The following CNIH3 variants were observed in gnomAD, a reference collection of about 807,000 sequenced individuals.
CNIH3 encodes cornichon family AMPA receptor auxiliary protein 3.
CNIH3 carries 14 observed loss-of-function variants against 24.1 expected under a neutral mutation model. That is an observed-to-expected ratio of 0.58 (90% CI 0.38 to 0.91). The LOEUF is 0.91. Among genes scored for constraint, CNIH3 ranks in the 40% least tolerant of loss-of-function variants. The probability of loss-of-function intolerance (pLI) is 0.00; values close to 1 mark genes in which losing one functional copy is unlikely to be tolerated. For missense variants in CNIH3, 178 were observed against 196.8 expected (o/e 0.90, Z 0.57); for synonymous variants, 68 against 73.8 (o/e 0.92, Z 0.40).
chr1:224,668,056 A>G (rs1338597524), intron 1 of CNIH3, among the ~76,000 whole-genome samples: 1 of 152,132 alleles, frequency 6.6e-6, no homozygotes, highest in African/African-American at 2.4e-5. Flanking sequence ...GAACAGAAAG[A>G]TAGACATGAA....
At chr1:224,577,533 G>A (rs995393651) in intron 4 of CNIH3, among the ~76,000 whole-genome samples, 1 of 152,004 alleles carries the variant, frequency 6.6e-6, no homozygotes, top group Non-Finnish European at 1.5e-5. Flanking sequence ...CATTTGAATG[G>A]CCATGATTTA....
At chr1:224,599,611 A>G (rs942298034) in intron 3 of CNIH3, among the ~76,000 whole-genome samples, 3 of 152,018 alleles carry the variant, frequency 2.0e-5, no homozygotes, top group Admixed American at 6.6e-5. Context: ...ATAATTTATT[A>G]GATATTCTAA....
intron 3 of CNIH3, among the ~76,000 whole-genome samples, chr1:224,701,288 C>A (rs1341711448): frequency 6.6e-6 from 1 of 151,556 alleles, no homozygotes; most frequent in Admixed American, 6.6e-5. Flanking sequence ...TAACAAAATA[C>A]CCTAGACTCA....
At chr1:224,737,915 G>A (rs1231773506) in intron 5 of CNIH3, among the ~76,000 whole-genome samples, 1 of 152,202 alleles carries the variant, frequency 6.6e-6, no homozygotes, top group Non-Finnish European at 1.5e-5. Flanking sequence ...ACTAATACTA[G>A]CTAGTGAGCC....
chr1:224,596,483 T>C (rs926997871), intron 3 of CNIH3, among the ~76,000 whole-genome samples: 8 of 152,248 alleles, frequency 5.3e-5, no homozygotes, highest in African/African-American at 1.9e-4. Context: ...GATATGAATA[T>C]TGTTTTCATG....
intron 1 of CNIH3, among the ~76,000 whole-genome samples, chr1:224,479,745 A>G (rs1258670575): frequency 6.6e-6 from 1 of 152,194 alleles, no homozygotes; most frequent in Admixed American, 6.5e-5. Context: ...TGCAGGTCAC[A>G]CTGATGCAAG....
intron 3 of CNIH3, among the ~76,000 whole-genome samples, chr1:224,556,455 T>G (rs1169321190): frequency 6.6e-6 from 1 of 152,170 alleles, no homozygotes; most frequent in African/African-American, 2.4e-5. Flanking sequence ...AAACCTTACT[T>G]TCTTCCATAG....
chr1:224,557,914 A>G (rs571319645), intron 3 of CNIH3, among the ~76,000 whole-genome samples: 3 of 152,370 alleles, frequency 2.0e-5, no homozygotes, highest in African/African-American at 7.2e-5. Context: ...AGAAAGTTCT[A>G]TATCATTATC....
chr1:224,488,655 A>G (rs1471944988), intron 1 of CNIH3, among the ~76,000 whole-genome samples: 1 of 152,092 alleles, frequency 6.6e-6, no homozygotes, highest in Admixed American at 6.6e-5. Flanking sequence ...TGTTGTAGAG[A>G]CTAGGTTTCT....
rs1572592874 is a variant in CNIH3, at chr1:224,616,740, C to G, written c.-435C>G. ...GGAGGGTCCGGAGCGGAGCGCTCGT[C>G]TCTCCTCAGCGGTTTAGTGGAGAAA... On this transcript the variant is annotated 5_prime_UTR_variant, in exon 1 of 6. Coordinates refer to ENST00000272133, the MANE Select transcript of CNIH3 (RefSeq NM_152495.2). 1.0e-6 allele frequency: 1 copy of G among 1,003,024 alleles called. No homozygotes were observed. Among genetic ancestry groups the G allele is most frequent in the African/African-American group, 1.7e-5 (1 of 57,640 alleles). The allele number at this position is 1,003,024 out of a possible 1,614,324, so 62.1% of individuals were successfully genotyped here.
intron 1 of CNIH3, among the ~76,000 whole-genome samples, chr1:224,677,567 C>A (rs1686198652): frequency 6.6e-6 from 1 of 152,238 alleles, no homozygotes; most frequent in South Asian, 2.1e-4. Flanking sequence ...AGCTCAAAGG[C>A]ATAAGCCACA....
Position 224,564,329 on chromosome 1 carries a change from G to A in CNIH3, n.451-1870G>A, listed in dbSNP as rs531682376. Among the ~76,000 whole-genome samples, 58 of 152,310 alleles carry A rather than the reference G, an allele frequency of 3.8e-4. 1 individual carries two copies. The highest frequency in any genetic ancestry group is 7.7e-4 in the East Asian group (4 of 5,184). On this transcript the variant is annotated intron_variant and non_coding_transcript_variant, in intron 3 of 5. Transcript: ENST00000471578. ...TATATCTCTGGTTTTCTAAAATGAC[G>A]AAAATGGAGAATGATTTAGCTCTAA...
intron 5 of CNIH3, among the ~76,000 whole-genome samples, chr1:224,735,312 C>T (rs1369966087): frequency 1.3e-5 from 2 of 152,242 alleles, no homozygotes; most frequent in African/African-American, 4.8e-5. Flanking sequence ...TTTCACCTCT[C>T]CGCTCAGAAC....
chr1:224,482,167 A>G (rs1428683676), intron 1 of CNIH3, among the ~76,000 whole-genome samples: 1 of 152,076 alleles, frequency 6.6e-6, no homozygotes, highest in Non-Finnish European at 1.5e-5. Flanking sequence ...ATAGGTCTAG[A>G]GATGCTGTTC....
chr1:224,523,893 C>T (rs1164254336), intron 2 of CNIH3, among the ~76,000 whole-genome samples: 1 of 152,080 alleles, frequency 6.6e-6, no homozygotes, highest in East Asian at 1.9e-4. Flanking sequence ...AAGTGGAGGC[C>T]ATTAAGCTGA....
exon 6 of CNIH3, chr1:224,588,440 A>G (rs1681602526): frequency 6.6e-6 from 1 of 152,210 alleles, no homozygotes; most frequent in Admixed American, 6.5e-5. Flanking sequence ...GGAGGACGGC[A>G]GGGGCTCCAA....
intron 1 of CNIH3, among the ~76,000 whole-genome samples, chr1:224,619,925 T>C (rs1683201368): frequency 6.6e-6 from 1 of 152,254 alleles, no homozygotes; most frequent in Admixed American, 6.5e-5. Flanking sequence ...GTAGCTACTA[T>C]GTATTGGGTG....
chr1:224,649,286 G>T (rs1056432569), intron 1 of CNIH3, among the ~76,000 whole-genome samples: 2 of 152,166 alleles, frequency 1.3e-5, no homozygotes, highest in African/African-American at 4.8e-5. Context: ...AGAAGCAGAG[G>T]TCAGGAAATG....
chr1:224,509,787 G>A (rs1678066391), intron 1 of CNIH3, among the ~76,000 whole-genome samples: 1 of 152,240 alleles, frequency 6.6e-6, no homozygotes, highest in Non-Finnish European at 1.5e-5. Flanking sequence ...CTCGCCTGAA[G>A]TCTGAGTGCA....
Sources: gnomAD v4.1 joint callset for allele counts (sites outside exome capture counted in the v4.1 genomes callset) on GRCh38, gnomAD v4.1.1 for gene constraint, MANE v1.5 for transcripts, NCBI Gene and HGNC (gene_info 2026-07-23, HGNC 2026-07-21) for gene names.